GRID2: variants seen among roughly 807,000 people sequenced by gnomAD.
GRID2 encodes glutamate receptor ionotropic, delta-2.
Under a neutral mutation model 114.8 loss-of-function variants are expected in GRID2, and 33 were observed. That is an observed-to-expected ratio of 0.29 (90% CI 0.22 to 0.38). The LOEUF is 0.38. Among genes scored for constraint, GRID2 ranks in the 10% least tolerant of loss-of-function variants. GRID2 has a pLI of 1.00. For synonymous variants in GRID2, 505 were observed against 449.9 expected (o/e 1.12, Z -1.55); for missense variants, 1,184 against 1,257.7 (o/e 0.94, Z 0.89).
intron 2 of GRID2, among the ~76,000 whole-genome samples, chr4:92,904,205 AT>A (rs920002553): frequency 1.3e-5 from 2 of 151,206 alleles, no homozygotes; most frequent in Non-Finnish European, 3.0e-5. Flanking sequence ...TTTTTTCAAA[AT>A]TTTTTCTTCA....
At chr4:93,178,084 A>G (rs1040904343) in intron 4 of GRID2, among the ~76,000 whole-genome samples, 1 of 151,114 alleles carries the variant, frequency 6.6e-6, no homozygotes, top group Admixed American at 6.6e-5. Context: ...AAAAAAAAAA[A>G]CATATAAGCT....
intron 2 of GRID2, among the ~76,000 whole-genome samples, chr4:93,007,056 C>A (rs1305702598): frequency 6.6e-6 from 1 of 151,506 alleles, no homozygotes; most frequent in Non-Finnish European, 1.5e-5. Flanking sequence ...GAAATGAAAT[C>A]TAAAAAGGTC....
intron 2 of GRID2, among the ~76,000 whole-genome samples, chr4:92,911,989 A>G (rs1748419445): frequency 6.6e-6 from 1 of 151,766 alleles, no homozygotes; most frequent in Admixed American, 6.6e-5. Flanking sequence ...CTTTATCAGC[A>G]TGTTATTGGC....
chr4:93,045,717 C>G (rs780450519), intron 2 of GRID2, among the ~76,000 whole-genome samples: 1 of 152,104 alleles, frequency 6.6e-6, no homozygotes, highest in East Asian at 1.9e-4. Flanking sequence ...CCCACTCCAG[C>G]GTTACAGACC....
In GRID2 at chr4:93,685,191, T is replaced by C. The variant is rs74993734; in HGVS notation, c.2360+58756T>C. Among the ~76,000 whole-genome samples, 246 of 152,208 alleles carry C rather than the reference T, an allele frequency of 1.6e-3. 7 individuals are homozygous for C. The East Asian group carries it at 0.046, about 28-fold the overall frequency. On this transcript the variant is annotated intron_variant, in intron 14 of 15. Transcript: ENST00000282020. ...CATGTAAAGAAGAAAAGTTAGAAATTGTTAAGTACTGGTGTCTGTACCAAG... is the reference window on the plus strand; with the variant it reads ...CATGTAAAGAAGAAAAGTTAGAAATCGTTAAGTACTGGTGTCTGTACCAAG...
Position 93,224,727 on chromosome 4 carries a change from C to T in GRID2, c.1077C>T (p.Asn359=), listed in dbSNP as rs746179603. Residue 359 remains asparagine, a synonymous_variant, in exon 7 of 16, where the codon AAC becomes AAT. Coordinates refer to ENST00000282020, the MANE Select transcript of GRID2 (RefSeq NM_001510.4). The stretch of plus-strand genomic sequence containing the variant: ...CAAGTCTGTCATGTATCAGAAAGAA[C>T]TCAAAGCCCTGGCAGGGTGGGCGCT... ...SMASLSCIRK[N]SKPWQGGRSM... 6 of 1,612,974 alleles carry T rather than the reference C, an allele frequency of 3.7e-6. No individual in the cohort carries two copies. Among genetic ancestry groups the T allele is most frequent in the African/African-American group, 2.7e-5 (2 of 74,840 alleles).
At chr4:93,063,311 A>G (rs894190766) in intron 2 of GRID2, among the ~76,000 whole-genome samples, 3 of 151,918 alleles carry the variant, frequency 2.0e-5, no homozygotes, top group Non-Finnish European at 4.4e-5. Context: ...TCACTTAACA[A>G]TTTGATCATC....
At chr4:92,798,238 C>G (rs890112835) in intron 2 of GRID2, among the ~76,000 whole-genome samples, 4 of 151,930 alleles carry the variant, frequency 2.6e-5, no homozygotes, top group South Asian at 2.1e-4. Context: ...TTTGTAAGAC[C>G]TTGCCTAATA....
chr4:93,372,547 G>C lies in GRID2; in HGVS notation c.1246-23060G>C, dbSNP rs535327020. Among the ~76,000 whole-genome samples, 6 of 151,536 alleles carry C rather than the reference G, an allele frequency of 4.0e-5. No individual in the cohort carries two copies. The South Asian group carries it at 1.3e-3, about 32-fold the overall frequency. On this transcript the variant is annotated intron_variant, in intron 8 of 15. Coordinates refer to ENST00000282020, the MANE Select transcript of GRID2 (RefSeq NM_001510.4). ...CCTCCTTCTTTTCTCTTTTTTCTGGGCCTCCCTCTTTGTTTTTACGATCCC... is the reference window on the plus strand; with the variant it reads ...CCTCCTTCTTTTCTCTTTTTTCTGGCCCTCCCTCTTTGTTTTTACGATCCC...
At chr4:92,719,643 C>T (rs1238749758) in intron 2 of GRID2, among the ~76,000 whole-genome samples, 1 of 151,856 alleles carries the variant, frequency 6.6e-6, no homozygotes, top group African/African-American at 2.4e-5. Flanking sequence ...TTGCATGAGC[C>T]AGAGGAGTAA....
chr4:93,005,671 C>T (rs1020999585), intron 2 of GRID2, among the ~76,000 whole-genome samples: 2 of 152,008 alleles, frequency 1.3e-5, no homozygotes, highest in Non-Finnish European at 2.9e-5. Context: ...ACTGATTAAT[C>T]ATTAAAAAGT....
rs112549255 is a variant in GRID2, at chr4:93,346,553, G to A, written c.1246-49054G>A. On this transcript the variant is annotated intron_variant, in intron 8 of 15. Transcript: ENST00000282020. The stretch of plus-strand genomic sequence containing the variant: ...AATTTGTGTGGACTAAGTGCAAGAG[G>A]AGATTGGGGAAAATTTGTTTCATTG... Among the ~76,000 whole-genome samples the A allele has an allele frequency of 3.0e-3, 457 of 152,274 alleles. 2 individuals are homozygous for A. The highest frequency in any genetic ancestry group is 0.011 in the African/African-American group (440 of 41,572).
At chr4:92,798,605 C>T (rs1181168834) in intron 2 of GRID2, among the ~76,000 whole-genome samples, 1 of 152,032 alleles carries the variant, frequency 6.6e-6, no homozygotes. Flanking sequence ...TTCACACCTC[C>T]TTCCCTCTTA....
At chr4:92,911,134 G>C (rs940015296) in intron 2 of GRID2, among the ~76,000 whole-genome samples, 1 of 151,886 alleles carries the variant, frequency 6.6e-6, no homozygotes, top group African/African-American at 2.4e-5. Flanking sequence ...CATCCACATA[G>C]TAAGTAATTT....
intron 14 of GRID2, among the ~76,000 whole-genome samples, chr4:93,675,443 A>G (rs1724767910): frequency 6.6e-6 from 1 of 152,192 alleles, no homozygotes; most frequent in African/African-American, 2.4e-5. Flanking sequence ...GGTTCTTGTA[A>G]TTATATTGAT....
chr4:93,221,637 CAAATA>C (rs1296940239), intron 6 of GRID2, among the ~76,000 whole-genome samples: 1 of 151,734 alleles, frequency 6.6e-6, no homozygotes, highest in Non-Finnish European at 1.5e-5. Context: ...AAAGGCCTTA[CAAATA>C]AAATAAAATT....
intron 13 of GRID2, among the ~76,000 whole-genome samples, chr4:93,605,239 T>G (rs534072350): frequency 2.0e-5 from 3 of 152,320 alleles, no homozygotes; most frequent in East Asian, 3.9e-4. Flanking sequence ...TAAATAAAAT[T>G]TAAAAATTCA....
chr4:93,121,140 T>A (rs1016858989), intron 4 of GRID2, among the ~76,000 whole-genome samples: 4 of 152,136 alleles, frequency 2.6e-5, no homozygotes, highest in African/African-American at 9.7e-5. Flanking sequence ...CTGTGATAGT[T>A]ATTTAAATGA....
intron 2 of GRID2, among the ~76,000 whole-genome samples, chr4:92,753,593 T>C (rs1380202145): frequency 6.6e-6 from 1 of 152,086 alleles, no homozygotes; most frequent in Non-Finnish European, 1.5e-5. Context: ...TAGAAAACAA[T>C]TCTCAGTCTG....
Sources: allele counts gnomAD v4.1 joint callset (sites outside exome capture counted in the v4.1 genomes callset), GRCh38; gene constraint gnomAD v4.1.1; transcripts MANE v1.5; gene names NCBI Gene and HGNC (gene_info 2026-07-23, HGNC 2026-07-21).